The following CERS4 variants were observed in gnomAD, a reference collection of about 807,000 sequenced individuals.
CERS4 encodes LAG1 homolog, ceramide synthase 4.
CERS4 carries 65 observed loss-of-function variants against 51.8 expected under a neutral mutation model. The observed-to-expected ratio is 1.26, with a 90% CI of 1.03 to 1.54. CERS4 has a LOEUF of 1.54. Ranked by LOEUF, CERS4 falls within the 40% of genes most tolerant of loss-of-function variation. The pLI, the probability that CERS4 is intolerant of heterozygous loss-of-function variation, is 0.00. For missense variants in CERS4, 563 were observed against 500.4 expected, an observed-to-expected ratio of 1.13 and a Z score of -1.19; for synonymous variants, 228 against 208.4, an observed-to-expected ratio of 1.09 and a Z score of -0.81.
chr19:8,220,697 G>C (rs1468656123), intron 2 of CERS4, among the ~76,000 whole-genome samples: 1 of 152,188 alleles, frequency 6.6e-6, no homozygotes, highest in Non-Finnish European at 1.5e-5. Context: ...CCAGGGATGG[G>C]ACAACCTCCA....
At chr19:8,220,249 G>A (rs966931326) in intron 2 of CERS4, among the ~76,000 whole-genome samples, 3 of 151,012 alleles carry the variant, frequency 2.0e-5, no homozygotes, top group Admixed American at 6.6e-5. Flanking sequence ...ACCCTACCCG[G>A]ACCTCAGCAC....
chr19:8,249,071 T>C (rs1194935624), intron 2 of CERS4, among the ~76,000 whole-genome samples: 3 of 144,854 alleles, frequency 2.1e-5, no homozygotes, highest in Non-Finnish European at 3.0e-5. Context: ...TGATGAATAA[T>C]GGGTGGATAG....
intron 2 of CERS4, among the ~76,000 whole-genome samples, chr19:8,239,814 C>G (rs891374465): frequency 2.6e-5 from 4 of 152,194 alleles, no homozygotes; most frequent in African/African-American, 4.8e-5. Context: ...ACCTGTCCAT[C>G]TGTCTATTCT....
At chr19:8,228,739 G>A in intron 2 of CERS4, among the ~76,000 whole-genome samples, 1 of 150,932 alleles carries the variant, frequency 6.6e-6, no homozygotes, top group Non-Finnish European at 1.5e-5. Flanking sequence ...AAAAATCAGT[G>A]AAGGCCGATC....
At chr19:8,229,846 A>G (rs1187160812) in intron 2 of CERS4, among the ~76,000 whole-genome samples, 1 of 152,216 alleles carries the variant, frequency 6.6e-6, no homozygotes, top group Non-Finnish European at 1.5e-5. Context: ...AGCTGGGACT[A>G]CAGGCATGTG....
intron 2 of CERS4, among the ~76,000 whole-genome samples, chr19:8,212,475 AAGCAAGCTGGG>A (rs958280907): frequency 7.9e-5 from 12 of 151,962 alleles, no homozygotes; most frequent in Admixed American, 1.3e-4. Flanking sequence ...ATGGGCTTTA[AAGCAAGCTGGG>A]AGCTTGGGAG....
chr19:8,248,348 T>C (rs1968881886), intron 2 of CERS4, among the ~76,000 whole-genome samples: 1 of 151,834 alleles, frequency 6.6e-6, no homozygotes, highest in South Asian at 2.1e-4. Context: ...CAACGACAGA[T>C]GGATAAATGG....
At chr19:8,238,558 G>A (rs948090594) in intron 2 of CERS4, 1 of 985,212 alleles carries the variant, frequency 1.0e-6, no homozygotes, top group African/African-American at 1.7e-5. Flanking sequence ...ATTCCAGAAG[G>A]GTAAGGAGGT....
At chr19:8,251,866 G>T (rs1969100415) in intron 3 of CERS4, among the ~76,000 whole-genome samples, 1 of 151,992 alleles carries the variant, frequency 6.6e-6, no homozygotes, top group Non-Finnish European at 1.5e-5. Flanking sequence ...CTCTGTGAAG[G>T]ACAGTGGGGT....
chr19:8,256,361 A>G, intron 7 of CERS4, 75 bp downstream of exon 7: 1 of 1,513,792 alleles, frequency 6.6e-7, no homozygotes, highest in African/African-American at 1.4e-5. Flanking sequence ...TGGGCATGGG[A>G]CCCGAACCCT....
At chr19:8,261,360 A>AG in intron 10 of CERS4, 1 of 294,646 alleles carries the variant, frequency 3.4e-6, no homozygotes, top group Non-Finnish European at 6.4e-6. Flanking sequence ...CTGCTGATGA[A>AG]GGGGAGGTGA....
chr19:8,257,988 G>A lies in CERS4; in HGVS notation c.848+3G>A, dbSNP rs374967693. On this transcript the variant is annotated splice_donor_region_variant and intron_variant, in intron 10 of 11. Coordinates refer to ENST00000251363, the MANE Select transcript of CERS4 (RefSeq NM_024552.3). ...CGACTGGTCCTCTTTCCCACCCAGT[G>A]AGTCAGCCCTCCCATGGGGGTCAGG... is the stretch of plus-strand genomic sequence containing the variant. The A allele has an allele frequency of 1.9e-6, 3 of 1,610,976 alleles. No homozygotes were observed. The highest frequency in any genetic ancestry group is 2.5e-6 in the Non-Finnish European group (3 of 1,177,598).
chr19:8,246,702 C>T (rs1968803558), intron 2 of CERS4, among the ~76,000 whole-genome samples: 1 of 151,836 alleles, frequency 6.6e-6, no homozygotes, highest in Non-Finnish European at 1.5e-5. Context: ...TGAAATGCAT[C>T]GGGAACAAGC....
At chr19:8,245,191 AGGCATGAGC>A (rs1463648677) in intron 2 of CERS4, among the ~76,000 whole-genome samples, 1 of 150,542 alleles carries the variant, frequency 6.6e-6, no homozygotes, top group African/African-American at 2.4e-5. Context: ...CTGGAATTAC[AGGCATGAGC>A]CACTGCACCT....
intron 2 of CERS4, chr19:8,250,844 G>A: frequency 7.6e-7 from 1 of 1,318,162 alleles, no homozygotes. Context: ...TTTTAACACT[G>A]ACCAGGCAAT....
chr19:8,247,383 C>A (rs1968834111), intron 2 of CERS4, among the ~76,000 whole-genome samples: 1 of 152,072 alleles, frequency 6.6e-6, no homozygotes, highest in African/African-American at 2.4e-5. Flanking sequence ...GAAAGCCCCT[C>A]CCCCAGCCCC....
chr19:8,217,756 C>G (rs2145168469), intron 2 of CERS4, among the ~76,000 whole-genome samples: 1 of 152,210 alleles, frequency 6.6e-6, no homozygotes, highest in Middle Eastern at 3.4e-3. Context: ...CCAGGATGGT[C>G]TCGATCTCCT....
At chr19:8,227,803 G>A (rs2145199700) in intron 2 of CERS4, among the ~76,000 whole-genome samples, 1 of 152,230 alleles carries the variant, frequency 6.6e-6, no homozygotes, top group South Asian at 2.1e-4. Context: ...AAAGTAGAAT[G>A]GTGGGTGCCA....
chr19:8,213,555 G>T (rs1568493647), intron 2 of CERS4, among the ~76,000 whole-genome samples: 2 of 152,100 alleles, frequency 1.3e-5, no homozygotes, highest in South Asian at 4.1e-4. Flanking sequence ...CGAGCCTCCA[G>T]CCTCAACCTC....
Sources: gnomAD v4.1 joint callset for allele counts (sites outside exome capture counted in the v4.1 genomes callset) on GRCh38, gnomAD v4.1.1 for gene constraint, MANE v1.5 for transcripts, NCBI Gene and HGNC (gene_info 2026-07-23, HGNC 2026-07-21) for gene names.